AMN: variants seen among roughly 807,000 people sequenced by gnomAD.
The protein encoded by AMN is amnion associated transmembrane protein.
In AMN, 40 loss-of-function variants were observed where a neutral mutation model predicts 49.1. That is an observed-to-expected ratio of 0.81 (90% CI 0.63 to 1.06). The LOEUF is 1.06. Ranked by LOEUF, AMN falls within the 50% of genes least tolerant of loss-of-function variation. The probability of loss-of-function intolerance (pLI) is 0.00; values close to 1 mark genes in which losing one functional copy is unlikely to be tolerated. For synonymous variants in AMN, 380 were observed against 313.3 expected (o/e 1.21, Z -2.25); for missense variants, 701 against 662.8 (o/e 1.06, Z -0.63).
At position 102,923,725 on chromosome 14, in the gene AMN, G is replaced by A. The variant is rs372629049; in HGVS notation, c.58G>A (p.Val20Ile). Residue 20 changes from valine to isoleucine, a missense_variant, in exon 2 of 12, where the codon GTC becomes ATC. Val to Ile is a conservative substitution (Grantham distance 29). Transcript: ENST00000299155. ...WLQLCALTQA[V>I]SKLWVPNTDF... ...CTCCTCCCCAGCACTGACCCAGGCG[G>A]TCTCCAAACTCTGGGTCCCCAACAC... The A allele has an allele frequency of 1.9e-6, 3 of 1,612,620 alleles. No individual in the cohort carries two copies. The highest frequency in any genetic ancestry group is 1.7e-6 in the Non-Finnish European group (2 of 1,179,830).
chr14:102,926,742 G>A (rs912546006), intron 3 of AMN, among the ~76,000 whole-genome samples: 1 of 151,706 alleles, frequency 6.6e-6, no homozygotes, highest in African/African-American at 2.4e-5. Flanking sequence ...ATTTTGATTG[G>A]GATAAATAAC....
chr14:102,930,362 G>A, intron 10 of AMN, 35 bp downstream of exon 10: 2 of 1,469,120 alleles, frequency 1.4e-6, no homozygotes, highest in East Asian at 2.8e-5. Context: ...TGGGGCTGGG[G>A]GTTGCTCCGA....
chr14:102,930,630 C>T lies in AMN; in HGVS notation c.1312C>T (p.His438Tyr). The change falls in exon 12 of 12, where the codon CAC (histidine) becomes TAC (tyrosine). Residue 438 changes from histidine (H) to tyrosine (Y), a missense_variant. His to Tyr is a moderately conservative substitution (Grantham distance 83). Transcript: ENST00000299155. ...VPKAAADSTSHSYFVNPLFAG... is the reference protein window; with the variant it reads ...VPKAAADSTSYSYFVNPLFAG... ...GAAGGCGGCCGCAGACAGCACCAGC[C>T]ACAGTTACTTCGTCAACCCTCTGTT... 1 of 1,601,644 alleles carries T rather than the reference C, an allele frequency of 6.2e-7. No homozygotes were observed.
intron 3 of AMN, among the ~76,000 whole-genome samples, chr14:102,927,124 G>A (rs969857983): frequency 5.3e-5 from 8 of 152,260 alleles, no homozygotes; most frequent in Middle Eastern, 3.4e-3. Flanking sequence ...GAACTCCTGG[G>A]CTCGAGTGAT....
chr14:102,923,602 C>T, intron 1 of AMN, 109 bp from the exon 2 acceptor site: 1 of 1,024,742 alleles, frequency 9.8e-7, no homozygotes, highest in Admixed American at 1.7e-5. Context: ...GGTTCCTATG[C>T]GTCCCGGGTG....
intron 3 of AMN, among the ~76,000 whole-genome samples, chr14:102,927,054 G>A (rs952850597): frequency 1.3e-5 from 2 of 152,020 alleles, no homozygotes; most frequent in African/African-American, 2.4e-5. Context: ...CACCACGCCC[G>A]GCTAATTTTT....
chr14:102,928,582 C>T, intron 4 of AMN, 69 bp downstream of exon 4: 1 of 1,533,948 alleles, frequency 6.5e-7, no homozygotes, highest in Non-Finnish European at 8.8e-7. Context: ...AGGGAAGGCG[C>T]GTCGAGGGGG....
intron 3 of AMN, among the ~76,000 whole-genome samples, chr14:102,926,439 C>T (rs1346170960): frequency 6.6e-6 from 1 of 152,192 alleles, no homozygotes. Flanking sequence ...CCTACACTAT[C>T]CACACAGTGG....
chr14:102,927,511 A>C lies in AMN; in HGVS notation c.208-915A>C, dbSNP rs57552713. On this transcript the variant is annotated intron_variant, in intron 3 of 11. Coordinates refer to ENST00000299155, the MANE Select transcript of AMN (RefSeq NM_030943.4). ...CTGTGGGGGGACTTGCCCTGCTGGC[A>C]GTGCCACACCCTCAGGTGTGCACGG... 7.9e-5 allele frequency among the ~76,000 whole-genome samples: 12 copies of C among 152,260 alleles called. No individual in the cohort carries two copies. In the East Asian group the frequency reaches 2.3e-3, roughly 29 times the overall value.
At chr14:102,929,055 G>A in intron 5 of AMN, 66 bp from the exon 6 acceptor site, 1 of 1,596,876 alleles carries the variant, frequency 6.3e-7, no homozygotes, top group Non-Finnish European at 8.5e-7. Flanking sequence ...TGCACACGTT[G>A]GGTCTGAGCA....
At chr14:102,923,356 T>C (rs1891105217) in intron 1 of AMN, 1 of 372,964 alleles carries the variant, frequency 2.7e-6, no homozygotes, top group Non-Finnish European at 5.2e-6. Flanking sequence ...AAGAGGTCTG[T>C]GCTGCCCCAT....
chr14:102,928,774 C>A lies in AMN; in HGVS notation c.312C>A (p.Phe104Leu), dbSNP rs778838482. Residue 104 changes from phenylalanine (F) to leucine (L), a missense_variant, in exon 5 of 12, where the codon TTC (phenylalanine) becomes TTA (leucine). Coordinates refer to ENST00000299155, the MANE Select transcript of AMN (RefSeq NM_030943.4). The stretch of plus-strand genomic sequence containing the variant: ...CCGGCTCAGGCGAACCTGCCGTCTT[C>A]CGCGACTCTGACCGCTTCTCCTGGC... The part of the protein sequence containing the change: ...LDCGAGEPAV[F>L]RDSDRFSWHD... The A allele has an allele frequency of 1.2e-6, 2 of 1,608,548 alleles. No individual in the cohort carries two copies. The highest frequency in any genetic ancestry group is 8.5e-7 in the Non-Finnish European group (1 of 1,179,770).
At position 102,930,568 on chromosome 14, in the gene AMN, C is replaced by T. The variant is rs750073599; in HGVS notation, c.1258-8C>T. ...CGCCGACCGCCGCCTGACCCTGTCACCCCGCAGCCCCTGCCGCGGCGGCTC... is the reference window on the plus strand; with the variant it reads ...CGCCGACCGCCGCCTGACCCTGTCATCCCGCAGCCCCTGCCGCGGCGGCTC... On this transcript the variant is annotated splice_polypyrimidine_tract_variant and splice_region_variant and intron_variant, in intron 11 of 11. Transcript: ENST00000299155. 4.1e-5 allele frequency: 64 copies of T among 1,566,228 alleles called. No homozygotes were observed. The highest frequency in any genetic ancestry group is 3.9e-4 in the African/African-American group (29 of 73,616).
rs1195603903 is a variant in AMN, at chr14:102,930,572, G to C, written c.1258-4G>C. The C allele has an allele frequency of 6.4e-7, 1 of 1,568,772 alleles. No individual in the cohort carries two copies. Among genetic ancestry groups the C allele is most frequent in the Non-Finnish European group, 8.6e-7 (1 of 1,158,898 alleles). On this transcript the variant is annotated splice_polypyrimidine_tract_variant and splice_region_variant and intron_variant, in intron 11 of 11. Transcript: ENST00000299155. ...GACCGCCGCCTGACCCTGTCACCCCGCAGCCCCTGCCGCGGCGGCTCAGCC... is the reference window on the plus strand; with the variant it reads ...GACCGCCGCCTGACCCTGTCACCCCCCAGCCCCTGCCGCGGCGGCTCAGCC...
intron 3 of AMN, among the ~76,000 whole-genome samples, chr14:102,926,463 C>G (rs1430369927): frequency 4.6e-5 from 7 of 152,138 alleles, no homozygotes; most frequent in Non-Finnish European, 1.0e-4. Flanking sequence ...TGCAGGATGG[C>G]TTAATATCCA....
chr14:102,930,226 C>T lies in AMN; in HGVS notation c.1068C>T (p.Ser356=), dbSNP rs1236292922. The T allele has an allele frequency of 7.1e-7, 1 of 1,406,566 alleles. No individual in the cohort carries two copies. The highest frequency in any genetic ancestry group is 3.1e-5 in the East Asian group (1 of 32,012). 87.1% of individuals were successfully genotyped at this position (1,406,566 alleles called of 1,614,324 possible). Residue 356 remains serine (S), a synonymous_variant, in exon 10 of 12, where the codon AGC becomes AGT. Transcript: ENST00000299155. The stretch of plus-strand genomic sequence containing the variant: ...AGTCGGGCGCACACGTCTGGGGCAG[C>T]TCCGCGGCTGGGCTGGCGGGCGGCG... ...MRESGAHVWG[S]SAAGLAGGVA... is the part of the protein sequence containing the mutation.
Position 102,929,478 on chromosome 14 carries a change from C to T in AMN, c.702C>T (p.Cys234=), listed in dbSNP as rs916279736. ...TGCTCCAGCCCCTGGGCGGCCGCTG[C>T]CCCCAGGCCGCCTGCCACAGCGCCC... is the stretch of plus-strand genomic sequence containing the variant. ...AALLQPLGGR[C]PQAACHSALR... The change falls in exon 7 of 12, where the codon TGC becomes TGT. Residue 234 remains cysteine (C), a synonymous_variant. Transcript: ENST00000299155. The T allele has an allele frequency of 2.6e-6, 4 of 1,531,794 alleles. No individual in the cohort carries two copies. The highest frequency in any genetic ancestry group is 4.9e-5 in the East Asian group (2 of 40,816). The allele number at this position is 1,531,794 out of a possible 1,614,324, so 94.9% of individuals were successfully genotyped here.
chr14:102,923,150 G>A lies in AMN; in HGVS notation c.43+419G>A, dbSNP rs1396543218. 8 of 232,222 alleles carry A rather than the reference G, an allele frequency of 3.4e-5. No homozygotes were observed. In the Admixed American group the frequency reaches 3.7e-4, roughly 11 times the overall value. The allele number at this position is 232,222 out of a possible 1,614,324, so 14.4% of individuals were successfully genotyped here. A position where few individuals can be genotyped will look rare whatever the true frequency, so the allele number is the denominator to read the frequency against. ...CTCCGCCTTCACACCAGGCCGGCGC[G>A]TGTCCCTGGCGCCCCCTTCCCTAAA... On this transcript the variant is annotated intron_variant, in intron 1 of 11. Coordinates refer to ENST00000299155, the MANE Select transcript of AMN (RefSeq NM_030943.4).
intron 3 of AMN, among the ~76,000 whole-genome samples, chr14:102,925,630 ACTCCC>A (rs1891168786): frequency 6.6e-6 from 1 of 150,864 alleles, no homozygotes; most frequent in Non-Finnish European, 1.5e-5. Context: ...ATTTCCCCCT[ACTCCC>A]CTCCCCTGCC....
Sources: gnomAD v4.1 joint callset for allele counts (sites outside exome capture counted in the v4.1 genomes callset) on GRCh38, gnomAD v4.1.1 for gene constraint, MANE v1.5 for transcripts, NCBI Gene and HGNC (gene_info 2026-07-23, HGNC 2026-07-21) for gene names.